Variants in CLDN2 observed in about 807,000 individuals in gnomAD.
CLDN2 encodes claudin-2.
Under a neutral mutation model 8.2 loss-of-function variants are expected in CLDN2, and 1 was observed. That is an observed-to-expected ratio of 0.12 (90% confidence interval 0.04 to 0.58). The LOEUF (loss-of-function observed/expected upper bound fraction) is 0.58, where lower values mean the gene tolerates loss of function less well. CLDN2 is among the 20% of genes least tolerant of loss of function. CLDN2 has a pLI of 0.90. For missense variants in CLDN2, 108 were observed against 172.9 expected (o/e 0.62, Z 2.11); for synonymous variants, 70 against 70.2 (o/e 1.00, Z 0.01).
In CLDN2 at chrX:106,912,812, T is replaced by G. The variant is rs1479407605; in HGVS notation, c.-179+12308T>G. ...ATCCTGTCACCTCAAGGAAAACAAC[T>G]GTTACTATTTGTTGTCAATGATAAA... On this transcript the variant is annotated intron_variant, in intron 1 of 1. Transcript: ENST00000541806. Among the ~76,000 whole-genome samples, 3 of 111,543 alleles carry G rather than the reference T, an allele frequency of 2.7e-5. No individual in the cohort carries two copies. In the Admixed American group the frequency reaches 2.9e-4, roughly 11 times the overall value.
In CLDN2 at chrX:106,929,283, C is replaced by T. The variant is rs748203460; in HGVS notation, c.*362C>T. ...CCCCAAACCCACTAATCACATCCCA[C>T]TGACTGACCCTCTGTGATCAAAGAC... On this transcript the variant is annotated 3_prime_UTR_variant, in exon 2 of 2. Coordinates refer to ENST00000336803, the MANE Select transcript of CLDN2 (RefSeq NM_020384.4). 6.0e-5 allele frequency: 13 copies of T among 214,955 alleles called. No homozygotes were observed. The South Asian group carries it at 1.6e-3, about 27-fold the overall frequency. The allele number at this position is 214,955 out of a possible 1,213,427, so 17.7% of individuals were successfully genotyped here.
chrX:106,909,416 G>C (rs1933219324), intron 1 of CLDN2, among the ~76,000 whole-genome samples: 2 of 111,316 alleles, frequency 1.8e-5, no homozygotes, highest in Non-Finnish European at 3.8e-5. Flanking sequence ...GAGAGCCTAG[G>C]CCAGCGGGCA....
At chrX:106,903,473 T>G (rs1266737375) in intron 1 of CLDN2, 5 of 391,548 alleles carry the variant, frequency 1.3e-5, no homozygotes, top group Non-Finnish European at 2.1e-5. Flanking sequence ...GAAAGCTGGG[T>G]TACCTGGGTG....
chrX:106,927,177 C>T (rs185447900), intron 1 of CLDN2, among the ~76,000 whole-genome samples: 13 of 111,578 alleles, frequency 1.2e-4, no homozygotes, highest in Admixed American at 9.5e-4. Context: ...TTGGCAACAC[C>T]GAGGGCTCCT....
intron 1 of CLDN2, among the ~76,000 whole-genome samples, chrX:106,910,944 T>C (rs1933240716): frequency 8.9e-6 from 1 of 112,208 alleles, no homozygotes; most frequent in South Asian, 3.7e-4. Context: ...AGAGTTGCAG[T>C]GAAGACTGAA....
chrX:106,924,675 T>C (rs938596002), intron 1 of CLDN2, among the ~76,000 whole-genome samples: 18 of 109,120 alleles, frequency 1.6e-4, no homozygotes, highest in African/African-American at 6.0e-4. Flanking sequence ...TTAAATTGTT[T>C]AGAATTTGGT....
At chrX:106,906,013 A>G (rs917713446) in intron 1 of CLDN2, among the ~76,000 whole-genome samples, 3 of 112,186 alleles carry the variant, frequency 2.7e-5, no homozygotes, top group East Asian at 2.8e-4. Flanking sequence ...CTTGTGGGAC[A>G]TGAAGCCGCT....
At chrX:106,922,246 C>A (rs1933403163) in intron 1 of CLDN2, among the ~76,000 whole-genome samples, 1 of 112,420 alleles carries the variant, frequency 8.9e-6, no homozygotes, top group Admixed American at 9.4e-5. Context: ...GAAAGCTGAA[C>A]CCCCCCTCCA....
Position 106,928,120 on chromosome X carries a change from C to T in CLDN2, c.-109C>T, listed in dbSNP as rs888663699. 6 of 584,556 alleles carry T rather than the reference C, an allele frequency of 1.0e-5. No individual in the cohort carries two copies. Among genetic ancestry groups the T allele is most frequent in the Non-Finnish European group, 1.6e-5 (6 of 376,415 alleles). The allele number at this position is 584,556 out of a possible 1,213,427, so 48.2% of individuals were successfully genotyped here. On this transcript the variant is annotated 5_prime_UTR_variant, in exon 2 of 2. Coordinates refer to ENST00000336803, the MANE Select transcript of CLDN2 (RefSeq NM_020384.4). ...CACTTGTAAGGAGGAGAGAAGTCAG[C>T]CTGGCAGAGAGACTCTGAAATGAGG...
At position 106,929,007 on chromosome X, in the gene CLDN2, C is replaced by T; in HGVS notation, c.*86C>T. The T allele has an allele frequency of 1.2e-6, 1 of 809,407 alleles. No individual in the cohort carries two copies. Among genetic ancestry groups the T allele is most frequent in the Non-Finnish European group, 1.8e-6 (1 of 557,042 alleles). The allele number at this position is 809,407 out of a possible 1,213,427, so 66.7% of individuals were successfully genotyped here. On this transcript the variant is annotated 3_prime_UTR_variant, in exon 2 of 2. Coordinates refer to ENST00000336803, the MANE Select transcript of CLDN2 (RefSeq NM_020384.4). ...GAGGGCCACAGGTGAGGGACACTAC[C>T]ACTGGATCGTGTCAGAAGGTGCTGC...
intron 1 of CLDN2, among the ~76,000 whole-genome samples, chrX:106,910,626 G>A (rs1295434543): frequency 9.1e-6 from 1 of 109,472 alleles, no homozygotes; most frequent in Admixed American, 9.7e-5. Flanking sequence ...CAGGAGAATC[G>A]CTTGAACCCC....
chrX:106,923,352 C>A (rs770618771), intron 1 of CLDN2, among the ~76,000 whole-genome samples: 1 of 112,397 alleles, frequency 8.9e-6, no homozygotes, highest in South Asian at 3.7e-4. Flanking sequence ...AGATCTTTGA[C>A]TACTGGGTAG....
At chrX:106,911,028 T>C (rs1006530176) in intron 1 of CLDN2, among the ~76,000 whole-genome samples, 2 of 112,230 alleles carry the variant, frequency 1.8e-5, no homozygotes, top group African/African-American at 6.5e-5. Context: ...ATTATGATTG[T>C]TCCTTTTGCC....
Position 106,928,666 on chromosome X carries a change from C to T in CLDN2, c.438C>T (p.Asp146=), listed in dbSNP as rs756640886. The stretch of plus-strand genomic sequence containing the variant: ...GGAATCTTCATGGGATCCTACGGGA[C>T]TTCTACTCACCACTGGTGCCTGACA... ...VAWNLHGILR[D]FYSPLVPDSM... The change falls in exon 2 of 2, where the codon GAC becomes GAT. Residue 146 remains aspartate, a synonymous_variant. Coordinates refer to ENST00000336803, the MANE Select transcript of CLDN2 (RefSeq NM_020384.4). 8.3e-7 allele frequency: 1 copy of T among 1,211,754 alleles called. No individual in the cohort carries two copies. The highest frequency in any genetic ancestry group is 1.8e-5 in the South Asian group (1 of 56,960).
Position 106,901,538 on chromosome X carries a change from C to A in CLDN2, c.-179+1034C>A. Reference sequence around the variant, plus strand: ...TCAGCAGCCGTTGCCCCACCAGCAGCCTGTCCAAAGCAAAAGCTAGCATGT... The same window carrying A: ...TCAGCAGCCGTTGCCCCACCAGCAGACTGTCCAAAGCAAAAGCTAGCATGT... On this transcript the variant is annotated intron_variant, in intron 1 of 1. Coordinates refer to the CLDN2 transcript ENST00000541806. 8.3e-7 allele frequency: 1 copy of A among 1,211,103 alleles called. No individual in the cohort carries two copies. The highest frequency in any genetic ancestry group is 1.8e-5 in the South Asian group (1 of 56,916).
intron 1 of CLDN2, among the ~76,000 whole-genome samples, chrX:106,902,631 C>A (rs774109350): frequency 8.9e-6 from 1 of 112,043 alleles, no homozygotes; most frequent in Non-Finnish European, 1.9e-5. Context: ...AGAGCTCTAC[C>A]ATCTTCCTGG....
chrX:106,917,406 A>G (rs1255375235), upstream of CLDN2, among the ~76,000 whole-genome samples: 5 of 112,318 alleles, frequency 4.5e-5, no homozygotes, highest in Non-Finnish European at 1.9e-5. Context: ...TGAATGTTGC[A>G]TAGAGGTCAT....
intron 1 of CLDN2, among the ~76,000 whole-genome samples, chrX:106,903,696 C>T (rs1933141779): frequency 8.9e-6 from 1 of 112,023 alleles, no homozygotes; most frequent in Admixed American, 9.4e-5. Context: ...AATAGACAGG[C>T]CTTTAACTAA....
chrX:106,901,839 G>A (rs889176320), intron 1 of CLDN2, among the ~76,000 whole-genome samples: 2 of 111,490 alleles, frequency 1.8e-5, no homozygotes, highest in Non-Finnish European at 3.8e-5. Flanking sequence ...GATCGGGTGG[G>A]TGGGAGAGCA....
Sources: allele counts gnomAD v4.1 joint callset (sites outside exome capture counted in the v4.1 genomes callset), GRCh38; gene constraint gnomAD v4.1.1; transcripts MANE v1.5; gene names NCBI Gene and HGNC (gene_info 2026-07-23, HGNC 2026-07-21).